The following THSD7B variants were observed in gnomAD, a reference collection of about 807,000 sequenced individuals.
THSD7B encodes thrombospondin type-1 domain-containing protein 7B.
In THSD7B, 138 loss-of-function variants were observed where a neutral mutation model predicts 213.6. That is an observed-to-expected ratio of 0.65 (90% CI 0.56 to 0.74). THSD7B has a LOEUF of 0.74. THSD7B is among the 30% of genes least tolerant of loss of function. The probability of loss-of-function intolerance (pLI) is 0.00; values close to 1 mark genes in which losing one functional copy is unlikely to be tolerated. For synonymous variants in THSD7B, 742 were observed against 687.0 expected (o/e 1.08, Z -1.25); for missense variants, 1,931 against 1,991.5 (o/e 0.97, Z 0.58).
At chr2:137,421,737 G>A (rs567511114) in intron 14 of THSD7B, among the ~76,000 whole-genome samples, 49 of 152,290 alleles carry the variant, frequency 3.2e-4, no homozygotes, top group African/African-American at 1.1e-3. Context: ...GAGAAGATTA[G>A]AGTCCTGCCT....
chr2:136,943,735 T>C (rs1462755287), intron 2 of THSD7B, among the ~76,000 whole-genome samples: 1 of 152,208 alleles, frequency 6.6e-6, no homozygotes. Context: ...ATTTCCCCTT[T>C]ATCATTTTTT....
intron 17 of THSD7B, among the ~76,000 whole-genome samples, chr2:137,573,320 G>A (rs76644347): frequency 0.039 from 5,935 of 152,116 alleles, 132 homozygotes; most frequent in Middle Eastern, 0.073. Context: ...GAACTTGATT[G>A]TCATAGTGAT....
intron 2 of THSD7B, among the ~76,000 whole-genome samples, chr2:136,993,662 T>C (rs1685827989): frequency 6.6e-6 from 1 of 152,228 alleles, no homozygotes; most frequent in Non-Finnish European, 1.5e-5. Context: ...AAATACTCTG[T>C]GGCCCAAATC....
chr2:137,388,004 A>G (rs935636237), intron 12 of THSD7B, among the ~76,000 whole-genome samples: 3 of 152,184 alleles, frequency 2.0e-5, no homozygotes, highest in African/African-American at 7.2e-5. Context: ...ATACATTTGT[A>G]ATTGTTCACA....
chr2:137,584,713 T>C (rs753049430), intron 17 of THSD7B, among the ~76,000 whole-genome samples: 71 of 152,212 alleles, frequency 4.7e-4, no homozygotes, highest in Middle Eastern at 3.2e-3. Context: ...ATAAGGTTTT[T>C]GATGTGCTGC....
At chr2:137,514,594 G>T (rs566658672) in intron 15 of THSD7B, among the ~76,000 whole-genome samples, 1 of 151,934 alleles carries the variant, frequency 6.6e-6, no homozygotes, top group Non-Finnish European at 1.5e-5. Context: ...ATAGATTTTG[G>T]TACCAAGAGT....
rs972669503 is a variant in THSD7B, at chr2:137,395,449, A to G, written c.2501-10164A>G. On this transcript the variant is annotated intron_variant, in intron 12 of 27. Transcript: ENST00000409968. ...GTGGTTTTTGTCTTTGGCTCTGTTT[A>G]TATGCTGGATTACATTTATTGATTT... is the stretch of plus-strand genomic sequence containing the variant. 8.0e-5 allele frequency among the ~76,000 whole-genome samples: 12 copies of G among 150,254 alleles called. No individual in the cohort carries two copies. The South Asian group carries it at 2.6e-3, about 32-fold the overall frequency.
At chr2:136,904,555 T>C (rs758398155) in intron 2 of THSD7B, among the ~76,000 whole-genome samples, 8 of 143,072 alleles carry the variant, frequency 5.6e-5, no homozygotes, top group Non-Finnish European at 1.3e-4. Flanking sequence ...TTCACCAGGA[T>C]TGGAAACAAA....
Position 137,233,102 on chromosome 2 carries a change from A to C in THSD7B, c.2119A>C (p.Lys707Gln). The change falls in exon 9 of 28, where the codon AAG (lysine) becomes CAG (glutamine). Residue 707 changes from lysine to glutamine, a missense_variant. Lys to Gln is a moderately conservative substitution (Grantham distance 53). Transcript: ENST00000409968. The part of the protein sequence containing the change: ...GIQTRRVFCV[K>Q]SHVGQVMTKR... ...TCAGACTCGGAGAGTCTTCTGTGTC[A>C]AGAGTCACGTGGGACAAGTAATGAC... The C allele has an allele frequency of 6.2e-7, 1 of 1,613,830 alleles. No homozygotes were observed. The highest frequency in any genetic ancestry group is 1.1e-5 in the South Asian group (1 of 91,074).
At chr2:137,461,905 T>C (rs1687893118) in intron 15 of THSD7B, among the ~76,000 whole-genome samples, 2 of 152,160 alleles carry the variant, frequency 1.3e-5, no homozygotes, top group Non-Finnish European at 1.5e-5. Flanking sequence ...CTCAGGTTGA[T>C]CATATAAATC....
At chr2:137,161,049 G>A (rs1340837000) in intron 6 of THSD7B, among the ~76,000 whole-genome samples, 2 of 152,108 alleles carry the variant, frequency 1.3e-5, no homozygotes, top group Admixed American at 1.3e-4. Flanking sequence ...AACATTTGAT[G>A]TTATATTTTA....
intron 21 of THSD7B, among the ~76,000 whole-genome samples, chr2:137,644,191 G>A (rs1269492965): frequency 6.6e-6 from 1 of 152,236 alleles, no homozygotes; most frequent in East Asian, 1.9e-4. Flanking sequence ...AAACTTCAGA[G>A]TTGCCCCAGA....
At chr2:136,785,425 G>T (rs1483575325) in intron 1 of THSD7B, among the ~76,000 whole-genome samples, 1 of 151,574 alleles carries the variant, frequency 6.6e-6, no homozygotes, top group Non-Finnish European at 1.5e-5. Flanking sequence ...ACAGCAGTGT[G>T]GGGACAGTGA....
chr2:136,890,362 T>C (rs1232648454), intron 2 of THSD7B, among the ~76,000 whole-genome samples: 1 of 5,198 alleles, frequency 1.9e-4, no homozygotes, highest in African/African-American at 5.7e-4. Flanking sequence ...CTTCTTCTTC[T>C]TCTTCTTCTT....
chr2:136,898,145 C>T (rs1403742881), intron 2 of THSD7B, among the ~76,000 whole-genome samples: 1 of 152,202 alleles, frequency 6.6e-6, no homozygotes, highest in Non-Finnish European at 1.5e-5. Flanking sequence ...ATCTAGCTGG[C>T]TTCACCTCTC....
intron 6 of THSD7B, among the ~76,000 whole-genome samples, chr2:137,166,911 C>T (rs1166417678): frequency 6.6e-6 from 1 of 152,076 alleles, no homozygotes; most frequent in East Asian, 1.9e-4. Context: ...TTTGGGAGTT[C>T]TCATGCTGAC....
Position 137,345,217 on chromosome 2 carries a change from G to A in THSD7B, c.2501-60396G>A, listed in dbSNP as rs538185310. 2.6e-5 allele frequency among the ~76,000 whole-genome samples: 4 copies of A among 151,728 alleles called. No homozygotes were observed. The South Asian group carries it at 8.3e-4, about 31-fold the overall frequency. On this transcript the variant is annotated intron_variant, in intron 12 of 27. Coordinates refer to ENST00000409968, the MANE Select transcript of THSD7B (RefSeq NM_001316349.2). Reference sequence around the variant, plus strand: ...AAGAAAATGCAGTATCACCAAGCAAGGAAGAAAACTGAATAAACGGAAGAA... The same window carrying A: ...AAGAAAATGCAGTATCACCAAGCAAAGAAGAAAACTGAATAAACGGAAGAA...
chr2:137,121,011 G>A (rs1688536641), intron 5 of THSD7B, among the ~76,000 whole-genome samples: 1 of 152,148 alleles, frequency 6.6e-6, no homozygotes, highest in East Asian at 1.9e-4. Flanking sequence ...AGAGTCCAAA[G>A]TGAGATTGGT....
At chr2:136,776,768 C>A (rs557553922) in intron 1 of THSD7B, among the ~76,000 whole-genome samples, 1 of 152,234 alleles carries the variant, frequency 6.6e-6, no homozygotes. Context: ...GCTGTGAAGA[C>A]TTAGGAAGGG....
Sources: allele counts gnomAD v4.1 joint callset (sites outside exome capture counted in the v4.1 genomes callset), GRCh38; gene constraint gnomAD v4.1.1; transcripts MANE v1.5; gene names NCBI Gene and HGNC (gene_info 2026-07-23, HGNC 2026-07-21).